Variants in R3HCC1L observed in about 807,000 individuals in gnomAD.
The protein encoded by R3HCC1L is coiled-coil domain-containing protein R3HCC1L.
In R3HCC1L, 51 loss-of-function variants were observed where a neutral mutation model predicts 59.9. The ratio of observed to expected loss-of-function variants is 0.85; its 90% CI spans 0.68 to 1.07. The LOEUF is 1.07. R3HCC1L is among the 50% of genes least tolerant of loss of function. R3HCC1L has a pLI of 0.00. For synonymous variants in R3HCC1L, 322 were observed against 315.2 expected, an observed-to-expected ratio of 1.02 and a Z score of -0.23; for missense variants, 965 against 933.0, an observed-to-expected ratio of 1.03 and a Z score of -0.45.
chr10:98,239,183 C>T (rs1857267257), intron 9 of R3HCC1L, among the ~76,000 whole-genome samples: 1 of 152,124 alleles, frequency 6.6e-6, no homozygotes, highest in African/African-American at 2.4e-5. Flanking sequence ...AAGTGCTTTA[C>T]AAATTCAGGA....
At chr10:98,194,689 G>A (rs774878482) in intron 4 of R3HCC1L, among the ~76,000 whole-genome samples, 26 of 152,076 alleles carry the variant, frequency 1.7e-4, no homozygotes, top group Admixed American at 1.2e-3. Flanking sequence ...AAGAAGATAC[G>A]TGCATGGCCA....
intron 1 of R3HCC1L, among the ~76,000 whole-genome samples, chr10:98,148,913 CCTT>C (rs772039245): frequency 6.4e-4 from 98 of 152,004 alleles, no homozygotes; most frequent in Non-Finnish European, 1.2e-3. Context: ...TATTCCCTCT[CCTT>C]CAGTTTTCTG....
intron 4 of R3HCC1L, chr10:98,174,446 C>T (rs1391504723): frequency 1.6e-6 from 1 of 610,934 alleles, no homozygotes; most frequent in Non-Finnish European, 2.0e-6. Context: ...ATTGTATTCC[C>T]AGGGATAAAA....
chr10:98,153,983 A>G (rs1433988010), intron 1 of R3HCC1L, among the ~76,000 whole-genome samples: 2 of 152,130 alleles, frequency 1.3e-5, no homozygotes, highest in Non-Finnish European at 2.9e-5. Flanking sequence ...GGAGAAAGAG[A>G]AGGACACATC....
intron 5 of R3HCC1L, among the ~76,000 whole-genome samples, chr10:98,228,642 A>T (rs1274147726): frequency 6.6e-6 from 1 of 152,086 alleles, no homozygotes; most frequent in Non-Finnish European, 1.5e-5. Context: ...GGTGTTTTAG[A>T]CATGAAGTCC....
chr10:98,205,522 G>A (rs1374759625), intron 4 of R3HCC1L, among the ~76,000 whole-genome samples: 8 of 152,156 alleles, frequency 5.3e-5, no homozygotes, highest in African/African-American at 1.9e-4. Flanking sequence ...CTTCAGCTAA[G>A]AAGTCGCTCA....
At position 98,209,472 on chromosome 10, in the gene R3HCC1L, C is replaced by G; in HGVS notation, c.1358C>G (p.Ser453Cys). The change falls in exon 5 of 10, where the codon TCT becomes TGT. Residue 453 changes from serine to cysteine, a missense_variant. By Grantham distance (112) the Ser-to-Cys change is moderately radical (BLOSUM62 -1). Transcript: ENST00000298999. ...CSDIYGESIS[S>C]HFTESTGKLI... Reference sequence around the variant, plus strand: ...GATATTTATGGTGAGAGTATTTCATCTCATTTTACAGAGTCAACAGGAAAG... The same window carrying G: ...GATATTTATGGTGAGAGTATTTCATGTCATTTTACAGAGTCAACAGGAAAG... 1 of 1,613,720 alleles carries G rather than the reference C, an allele frequency of 6.2e-7. No homozygotes were observed. Among genetic ancestry groups the G allele is most frequent in the African/African-American group, 1.3e-5 (1 of 75,052 alleles).
intron 2 of R3HCC1L, among the ~76,000 whole-genome samples, chr10:98,157,333 G>T (rs1016246882): frequency 1.3e-5 from 2 of 152,178 alleles, no homozygotes; most frequent in Non-Finnish European, 2.9e-5. Flanking sequence ...TGGGGGTGGG[G>T]CGATAGATTT....
At chr10:98,201,863 A>G (rs1852080412) in intron 4 of R3HCC1L, among the ~76,000 whole-genome samples, 2 of 149,874 alleles carry the variant, frequency 1.3e-5, no homozygotes, top group Admixed American at 6.9e-5. Context: ...TTATTGACCA[A>G]TGACTATGAA....
Position 98,134,666 on chromosome 10 carries a change from G to C in R3HCC1L, c.-308G>C, listed in dbSNP as rs1844342356. 6.6e-6 allele frequency: 1 copy of C among 152,330 alleles called. No homozygotes were observed. The highest frequency in any genetic ancestry group is 2.4e-5 in the African/African-American group (1 of 41,462). The allele number at this position is 152,330 out of a possible 1,614,324, so 9.4% of individuals were successfully genotyped here. ...CAGCGGCGCGAGCGGAAGAGATAGA[G>C]CTTCGCGGAGACGGCGGAAGCGGAG... On this transcript the variant is annotated 5_prime_UTR_variant, in exon 1 of 10. Coordinates refer to ENST00000298999, the MANE Select transcript of R3HCC1L (RefSeq NM_001351015.2).
intron 9 of R3HCC1L, among the ~76,000 whole-genome samples, chr10:98,239,518 A>C (rs1743836557): frequency 6.6e-6 from 1 of 152,178 alleles, no homozygotes; most frequent in African/African-American, 2.4e-5. Context: ...CATTGACCAA[A>C]TACATGGATG....
intron 4 of R3HCC1L, among the ~76,000 whole-genome samples, chr10:98,166,259 T>C (rs1404374261): frequency 6.6e-6 from 1 of 152,134 alleles, no homozygotes; most frequent in Non-Finnish European, 1.5e-5. Flanking sequence ...ATCAACCTAC[T>C]GCAACCTGGA....
chr10:98,147,774 G>T (rs1236882471), intron 1 of R3HCC1L, among the ~76,000 whole-genome samples: 1 of 152,112 alleles, frequency 6.6e-6, no homozygotes, highest in East Asian at 1.9e-4. Context: ...CTATGTGTCT[G>T]TTTTAATGCC....
intron 4 of R3HCC1L, among the ~76,000 whole-genome samples, chr10:98,187,567 G>C (rs1000707656): frequency 3.3e-5 from 5 of 151,914 alleles, no homozygotes; most frequent in Non-Finnish European, 7.4e-5. Flanking sequence ...TTTTTGGATG[G>C]GGAGCTTAAG....
chr10:98,181,504 C>A (rs188216022), intron 4 of R3HCC1L, among the ~76,000 whole-genome samples: 60 of 152,212 alleles, frequency 3.9e-4, no homozygotes, highest in African/African-American at 1.4e-3. Flanking sequence ...CTTGGGGTTG[C>A]TCTTCTTGAG....
intron 5 of R3HCC1L, among the ~76,000 whole-genome samples, chr10:98,230,259 T>G (rs1471318771): frequency 3.9e-5 from 6 of 152,120 alleles, no homozygotes; most frequent in Non-Finnish European, 8.8e-5. Flanking sequence ...CAATTTCAGA[T>G]CCTGTTATTG....
intron 5 of R3HCC1L, among the ~76,000 whole-genome samples, chr10:98,212,104 A>C (rs1853650171): frequency 6.6e-6 from 1 of 152,066 alleles, no homozygotes; most frequent in Admixed American, 6.6e-5. Context: ...GGAAGGAGGG[A>C]AATGGATTGA....
At chr10:98,158,591 AACAAGG>A (rs919730841) in intron 2 of R3HCC1L, among the ~76,000 whole-genome samples, 9 of 152,192 alleles carry the variant, frequency 5.9e-5, no homozygotes, top group African/African-American at 2.2e-4. Flanking sequence ...ACTTTCTAAA[AACAAGG>A]ACATTCTTGT....
chr10:98,168,415 A>C (rs1271222361), intron 4 of R3HCC1L, among the ~76,000 whole-genome samples: 1 of 152,134 alleles, frequency 6.6e-6, no homozygotes, highest in African/African-American at 2.4e-5. Context: ...ATGCATGACG[A>C]CTATAGCCAG....
Sources: allele counts gnomAD v4.1 joint callset (sites outside exome capture counted in the v4.1 genomes callset), GRCh38; gene constraint gnomAD v4.1.1; transcripts MANE v1.5; gene names NCBI Gene and HGNC (gene_info 2026-07-23, HGNC 2026-07-21).